Variants in OIP5 observed in about 807,000 individuals in gnomAD.
OIP5 encodes the protein protein Mis18-beta.
Under a neutral mutation model 20.3 loss-of-function variants are expected in OIP5, and 24 were observed. The ratio of observed to expected loss-of-function variants is 1.18; its 90% confidence interval spans 0.86 to 1.66. The LOEUF is 1.66. Ranked by LOEUF, OIP5 falls within the 40% of genes most tolerant of loss-of-function variation. OIP5 has a pLI of 0.00. For missense variants in OIP5, 339 were observed against 289.5 expected (o/e 1.17, Z -1.24); for synonymous variants, 143 against 121.3 (o/e 1.18, Z -1.17).
chr15:41,309,790 A>T lies in OIP5; in HGVS notation c.654T>A (p.Ser218Arg). The change falls in exon 5 of 5, where the codon AGT becomes AGA. Residue 218 changes from serine to arginine, a missense_variant. Physicochemically the swap from Ser to Arg is moderately radical, Grantham distance 110 (BLOSUM62 -1). Transcript: ENST00000220514. ...GCTTGGACTGGTCAGGAGTCACTTC[A>T]CTCAGAATCTTCATTAGTGATTTTA... ...NRLKSLMKIL[S>R]EVTPDQSKPE... 6.2e-7 allele frequency: 1 copy of T among 1,614,034 alleles called. No homozygotes were observed. Among genetic ancestry groups the T allele is most frequent in the Non-Finnish European group, 8.5e-7 (1 of 1,179,902 alleles).
chr15:41,321,316 C>A (rs866600494), intron 2 of OIP5, among the ~76,000 whole-genome samples: 1,577 of 150,586 alleles, frequency 0.01, 39 homozygotes, highest in African/African-American at 0.036. Context: ...GTCAGCCCCC[C>A]GCCCGGCCAG....
chr15:41,318,983 G>A lies in OIP5; in HGVS notation c.512+675C>T, dbSNP rs1017691748. Among the ~76,000 whole-genome samples the A allele has an allele frequency of 2.6e-5, 4 of 151,810 alleles. No individual in the cohort carries two copies. In the East Asian group the frequency reaches 5.8e-4, roughly 22 times the overall value. ...CTCACAAAGCATTGGCATTACAGGC[G>A]CGAGCCATCACACCTGGCCCACTGC... On this transcript the variant is annotated intron_variant, in intron 3 of 4. Coordinates refer to ENST00000220514, the MANE Select transcript of OIP5 (RefSeq NM_007280.2).
Position 41,313,308 on chromosome 15 carries a change from T to C in OIP5, c.559A>G (p.Ile187Val), listed in dbSNP as rs879743996. Residue 187 changes from isoleucine (I) to valine (V), a missense_variant, in exon 4 of 5, where the codon ATT (isoleucine) becomes GTT (valine). Coordinates refer to ENST00000220514, the MANE Select transcript of OIP5 (RefSeq NM_007280.2). ...KAIVNASEMD[I>V]QNVPLSEKIA... ...TTTTCTGATAGAGGAACATTTTGAA[T>C]ATCCATCTCTGATGCATTTACTATG... 2 of 1,605,804 alleles carry C rather than the reference T, an allele frequency of 1.2e-6. No individual in the cohort carries two copies. Among genetic ancestry groups the C allele is most frequent in the Non-Finnish European group, 1.7e-6 (2 of 1,176,092 alleles).
At chr15:41,313,251 T>G (rs76469794) in intron 4 of OIP5, 22 bp downstream of exon 4, 1 of 1,446,452 alleles carries the variant, frequency 6.9e-7, no homozygotes, top group South Asian at 1.2e-5. Context: ...TAAAAAAGCA[T>G]ACAACCATCA....
At chr15:41,324,769 C>T (rs772847231) in intron 2 of OIP5, among the ~76,000 whole-genome samples, 35 of 152,272 alleles carry the variant, frequency 2.3e-4, no homozygotes, top group African/African-American at 7.9e-4. Flanking sequence ...GGATTACAAG[C>T]GTGAGCCACC....
intron 2 of OIP5, among the ~76,000 whole-genome samples, chr15:41,322,849 C>T (rs2047838843): frequency 2.0e-5 from 3 of 151,852 alleles, no homozygotes; most frequent in African/African-American, 7.3e-5. Context: ...GCAGGAGAAT[C>T]GCTTGAACCT....
intron 4 of OIP5, among the ~76,000 whole-genome samples, chr15:41,310,096 ACTC>A (rs572778978): frequency 8.3e-4 from 126 of 151,472 alleles, no homozygotes; most frequent in Middle Eastern, 3.4e-3. Flanking sequence ...CTGGTGTTGA[ACTC>A]CTGGCAGTCA....
At chr15:41,327,150 C>A (rs1032308649) in intron 2 of OIP5, among the ~76,000 whole-genome samples, 1 of 150,108 alleles carries the variant, frequency 6.7e-6, no homozygotes. Context: ...AACTGGGTAC[C>A]TGGGGCTTAT....
intron 3 of OIP5, 74 bp downstream of exon 3, chr15:41,319,584 A>G: frequency 6.7e-7 from 1 of 1,493,292 alleles, no homozygotes; most frequent in South Asian, 1.2e-5. Context: ...ACCTTTTAAA[A>G]TTTATTTGAT....
At chr15:41,328,172 T>A (rs1489051420) in intron 2 of OIP5, among the ~76,000 whole-genome samples, 11 of 152,196 alleles carry the variant, frequency 7.2e-5, no homozygotes, top group Non-Finnish European at 1.3e-4. Flanking sequence ...CTTCAAAACA[T>A]TGTGGAGGAT....
At chr15:41,327,802 T>TA (rs1171038344) in intron 2 of OIP5, among the ~76,000 whole-genome samples, 1 of 134,468 alleles carries the variant, frequency 7.4e-6, no homozygotes, top group Non-Finnish European at 1.6e-5. Flanking sequence ...AAATAAAAAA[T>TA]AAAATAAAAT....
chr15:41,322,719 G>A (rs1409735700), intron 2 of OIP5, among the ~76,000 whole-genome samples: 1 of 152,112 alleles, frequency 6.6e-6, no homozygotes, highest in African/African-American at 2.4e-5. Flanking sequence ...TGGATCACCT[G>A]AGGTCAGGAG....
At chr15:41,327,212 C>T (rs1164462628) in intron 2 of OIP5, among the ~76,000 whole-genome samples, 1 of 150,996 alleles carries the variant, frequency 6.6e-6, no homozygotes, top group African/African-American at 2.4e-5. Flanking sequence ...ATGGAGTCTT[C>T]CTCTTGTCAC....
rs1317281326 is a variant in OIP5, at chr15:41,325,133, C to T, written c.390-5353G>A. ...GGTTTTAAAAACTGCCAGAATTGGC[C>T]GGGCGCAGTGGCTGTAATCCCAGCA... On this transcript the variant is annotated intron_variant, in intron 2 of 4. Coordinates refer to ENST00000220514, the MANE Select transcript of OIP5 (RefSeq NM_007280.2). Among the ~76,000 whole-genome samples the T allele has an allele frequency of 2.0e-5, 3 of 151,912 alleles. 1 individual carries two copies. The highest frequency in any genetic ancestry group is 6.6e-5 in the Admixed American group (1 of 15,256).
intron 4 of OIP5, among the ~76,000 whole-genome samples, chr15:41,312,167 T>C (rs1486133725): frequency 9.7e-6 from 1 of 103,420 alleles, no homozygotes; most frequent in Non-Finnish European, 2.6e-5. Flanking sequence ...TTTTTTTCTT[T>C]TTTTTTTTTT....
intron 3 of OIP5, among the ~76,000 whole-genome samples, chr15:41,318,368 G>C (rs909341892): frequency 8.6e-5 from 13 of 152,024 alleles, no homozygotes; most frequent in African/African-American, 3.1e-4. Context: ...CACCATGTTG[G>C]CCAAGCTGGT....
chr15:41,317,038 T>C (rs1432008135), intron 3 of OIP5, among the ~76,000 whole-genome samples: 1 of 152,156 alleles, frequency 6.6e-6, no homozygotes, highest in African/African-American at 2.4e-5. Context: ...TTTCTTGTAA[T>C]AAGTAAAAAA....
Position 41,319,741 on chromosome 15 carries a change from G to T in OIP5, c.429C>A (p.Pro143=), listed in dbSNP as rs368534686. Reference sequence around the variant, plus strand: ...GGGTAGAATACAGATGGAAACCAACGGGAATCCCACAAGAACCACAGAATA... The same window carrying T: ...GGGTAGAATACAGATGGAAACCAACTGGAATCCCACAAGAACCACAGAATA... The part of the protein sequence containing the change: ...NLLFCGSCGI[P]VGFHLYSTHA... The change falls in exon 3 of 5, where the codon CCC becomes CCA. Residue 143 remains proline (P), a synonymous_variant. Transcript: ENST00000220514. 6.2e-7 allele frequency: 1 copy of T among 1,613,532 alleles called. No homozygotes were observed. The highest frequency in any genetic ancestry group is 2.2e-5 in the East Asian group (1 of 44,868).
chr15:41,332,564 T>C lies in OIP5; in HGVS notation c.-3A>G, dbSNP rs2047949865. On this transcript the variant is annotated 5_prime_UTR_variant, in exon 1 of 5. Coordinates refer to ENST00000220514, the MANE Select transcript of OIP5 (RefSeq NM_007280.2). ...TGCCGCAGCGGCTGAGCCGCCATCTTCCCGCAGCCGGCGCCTTCCTTTCGA... is the reference window on the plus strand; with the variant it reads ...TGCCGCAGCGGCTGAGCCGCCATCTCCCCGCAGCCGGCGCCTTCCTTTCGA... The C allele has an allele frequency of 6.3e-7, 1 of 1,595,254 alleles. No homozygotes were observed. Among genetic ancestry groups the C allele is most frequent in the Non-Finnish European group, 8.5e-7 (1 of 1,171,540 alleles).
Sources: gnomAD v4.1 joint callset for allele counts (sites outside exome capture counted in the v4.1 genomes callset) on GRCh38, gnomAD v4.1.1 for gene constraint, MANE v1.5 for transcripts, NCBI Gene and HGNC (gene_info 2026-07-23, HGNC 2026-07-21) for gene names.